SHISA9: variants seen among roughly 807,000 people sequenced by gnomAD.
SHISA9 encodes shisa family member 9, also known as protein shisa-9.
In SHISA9, 13 loss-of-function variants were observed where a neutral mutation model predicts 38.0. The ratio of observed to expected loss-of-function variants is 0.34; its 90% confidence interval spans 0.22 to 0.54. SHISA9 has a LOEUF of 0.54. Ranked by LOEUF, SHISA9 falls within the 20% of genes least tolerant of loss-of-function variation. The pLI, the probability that SHISA9 is intolerant of heterozygous loss-of-function variation, is 0.91. For missense variants in SHISA9, 538 were observed against 575.8 expected (o/e 0.93, Z 0.67); for synonymous variants, 275 against 242.0 (o/e 1.14, Z -1.27).
the SHISA9 span, among the ~76,000 whole-genome samples, chr16:13,469,320 G>GAGAGAAAGAAAGAAAGAAAGAAAGAA: frequency 6.5e-5 from 4 of 61,614 alleles, no homozygotes; most frequent in African/African-American, 1.6e-4. Context: ...GAGAGAGAGA[G>GAGAGAAAGAAAGAAAGAAAGAAAGAA]AGAAAGAAAG....
intron 2 of SHISA9, among the ~76,000 whole-genome samples, chr16:13,125,345 C>T (rs2141981671): frequency 6.6e-6 from 1 of 152,284 alleles, no homozygotes; most frequent in South Asian, 2.1e-4. Context: ...ATGGCAACTT[C>T]CCTAATGGGA....
chr16:13,550,061 A>T, the SHISA9 span, among the ~76,000 whole-genome samples: 1 of 151,694 alleles, frequency 6.6e-6, no homozygotes, highest in African/African-American at 2.4e-5. Flanking sequence ...TAGAGCTGAG[A>T]ACTCAATGAT....
chr16:13,221,713 A>G (rs899034078), intron 4 of SHISA9, among the ~76,000 whole-genome samples: 1 of 152,212 alleles, frequency 6.6e-6, no homozygotes, highest in Non-Finnish European at 1.5e-5. Context: ...TTGTGCAACC[A>G]TCATTACAGT....
chr16:13,352,337 T>C, the SHISA9 span, among the ~76,000 whole-genome samples: 2 of 152,198 alleles, frequency 1.3e-5, no homozygotes, highest in Non-Finnish European at 2.9e-5. Context: ...GTTATGACAT[T>C]AAATGAAAAG....
chr16:13,365,196 A>G, the SHISA9 span, among the ~76,000 whole-genome samples: 3 of 152,304 alleles, frequency 2.0e-5, no homozygotes, highest in African/African-American at 4.8e-5. Context: ...TAAACTGGGA[A>G]GGGCTAAGAA....
At chr16:13,416,624 A>G in the SHISA9 span, among the ~76,000 whole-genome samples, 1 of 152,090 alleles carries the variant, frequency 6.6e-6, no homozygotes, top group Non-Finnish European at 1.5e-5. Flanking sequence ...AGGCAGGAGG[A>G]TTGCTTGAAT....
At chr16:13,270,492 G>T in the SHISA9 span, among the ~76,000 whole-genome samples, 29 of 152,336 alleles carry the variant, frequency 1.9e-4, no homozygotes, top group Non-Finnish European at 3.7e-4. Flanking sequence ...AGCTTTGCAA[G>T]AATGTATTTA....
intron 2 of SHISA9, among the ~76,000 whole-genome samples, chr16:12,972,795 G>A (rs950876390): frequency 6.6e-6 from 1 of 152,150 alleles, no homozygotes; most frequent in Non-Finnish European, 1.5e-5. Flanking sequence ...GCAGTGGATG[G>A]TAAGATTGGG....
intron 2 of SHISA9, among the ~76,000 whole-genome samples, chr16:13,064,152 G>A (rs190661693): frequency 1.3e-5 from 2 of 152,282 alleles, no homozygotes; most frequent in Non-Finnish European, 2.9e-5. Context: ...TGATCGTCTT[G>A]TCTCAGCCTC....
At chr16:13,516,111 C>T in the SHISA9 span, among the ~76,000 whole-genome samples, 1 of 152,210 alleles carries the variant, frequency 6.6e-6, no homozygotes, top group African/African-American at 2.4e-5. Context: ...TGGAGACATC[C>T]CCTTCTGCAG....
In SHISA9 at chr16:12,902,011, G is replaced by A. The variant is rs1458599547; in HGVS notation, c.-54G>A. On this transcript the variant is annotated 5_prime_UTR_variant, in exon 1 of 5. Coordinates refer to ENST00000558583, the MANE Select transcript of SHISA9 (RefSeq NM_001145204.3). ...CAGCTTCGGCCGCGCCTCGAGAGGC[G>A]GCCGCAGAGGCTCCAGCGGCGGCCG... 8 of 1,350,070 alleles carry A rather than the reference G, an allele frequency of 5.9e-6. No individual in the cohort carries two copies. The highest frequency in any genetic ancestry group is 7.6e-6 in the Non-Finnish European group (8 of 1,054,788). The allele number at this position is 1,350,070 out of a possible 1,614,324, so 83.6% of individuals were successfully genotyped here. A position where few individuals can be genotyped will look rare whatever the true frequency, so the allele number is the denominator to read the frequency against.
chr16:12,940,380 A>G (rs1046021807), intron 2 of SHISA9, among the ~76,000 whole-genome samples: 2 of 151,954 alleles, frequency 1.3e-5, no homozygotes, highest in Non-Finnish European at 2.9e-5. Flanking sequence ...CCCAGTCCAC[A>G]TTCCTTTCCT....
At chr16:12,958,453 T>G (rs973330046) in intron 2 of SHISA9, among the ~76,000 whole-genome samples, 16 of 152,200 alleles carry the variant, frequency 1.1e-4, no homozygotes, top group African/African-American at 3.9e-4. Flanking sequence ...ATCTCTGCTT[T>G]GGCATGCCAG....
intron 2 of SHISA9, among the ~76,000 whole-genome samples, chr16:12,956,015 A>G (rs2141783660): frequency 6.6e-6 from 1 of 152,338 alleles, no homozygotes; most frequent in East Asian, 1.9e-4. Context: ...GCCTCCGACA[A>G]AAGAGTAATA....
intron 2 of SHISA9, among the ~76,000 whole-genome samples, chr16:12,991,238 G>C (rs2072382323): frequency 6.6e-6 from 1 of 151,956 alleles, no homozygotes. Flanking sequence ...TTGATTTCTG[G>C]GAAAGTTTTC....
chr16:13,057,676 G>A (rs756591018), intron 2 of SHISA9, among the ~76,000 whole-genome samples: 3 of 152,060 alleles, frequency 2.0e-5, no homozygotes, highest in South Asian at 2.1e-4. Context: ...TAAGTTCTGC[G>A]ATACATGTGC....
At chr16:13,368,508 G>T in the SHISA9 span, among the ~76,000 whole-genome samples, 64 of 152,222 alleles carry the variant, frequency 4.2e-4, no homozygotes, top group African/African-American at 1.5e-3. Context: ...GTTGCGTTAG[G>T]GGGTTTTGTA....
At chr16:13,197,069 G>A (rs2050950709) in intron 2 of SHISA9, among the ~76,000 whole-genome samples, 1 of 147,022 alleles carries the variant, frequency 6.8e-6, no homozygotes, top group South Asian at 2.2e-4. Context: ...TCCAGCCTGG[G>A]TGACAGAGTG....
At chr16:13,449,210 TC>T in the SHISA9 span, among the ~76,000 whole-genome samples, 2 of 152,178 alleles carry the variant, frequency 1.3e-5, no homozygotes, top group Non-Finnish European at 2.9e-5. Flanking sequence ...CAATATAGTC[TC>T]AAGTTAAAAT....
Sources: gnomAD v4.1 joint callset for allele counts (sites outside exome capture counted in the v4.1 genomes callset) on GRCh38, gnomAD v4.1.1 for gene constraint, MANE v1.5 for transcripts, NCBI Gene and HGNC (gene_info 2026-07-23, HGNC 2026-07-21) for gene names.